The following RNF144A variants were observed in gnomAD, a reference collection of about 807,000 sequenced individuals.
RNF144A encodes ring finger protein 144A.
RNF144A carries 11 observed loss-of-function variants against 38.7 expected under a neutral mutation model. The observed-to-expected ratio is 0.28, with a 90% CI of 0.18 to 0.47. The LOEUF (loss-of-function observed/expected upper bound fraction) is 0.47, where lower values mean the gene tolerates loss of function less well. RNF144A is among the 20% of genes least tolerant of loss of function. The pLI, the probability that RNF144A is intolerant of heterozygous loss-of-function variation, is 0.99. For synonymous variants in RNF144A, 149 were observed against 143.9 expected, an observed-to-expected ratio of 1.04 and a Z score of -0.25; for missense variants, 316 against 377.2, an observed-to-expected ratio of 0.84 and a Z score of 1.34.
chr2:7,048,615 C>T (rs1206250758), downstream of RNF144A, among the ~76,000 whole-genome samples: 1 of 152,184 alleles, frequency 6.6e-6, no homozygotes, highest in Non-Finnish European at 1.5e-5. Flanking sequence ...AGGGAGACTG[C>T]AGTAGGGGCC....
At chr2:7,000,249 T>A (rs1032516488) in intron 3 of RNF144A, among the ~76,000 whole-genome samples, 2 of 152,222 alleles carry the variant, frequency 1.3e-5, no homozygotes, top group African/African-American at 4.8e-5. Context: ...GTGTGAAGTC[T>A]AACTTTAGAA....
chr2:6,987,208 T>G (rs1669017991), intron 2 of RNF144A, among the ~76,000 whole-genome samples: 1 of 152,144 alleles, frequency 6.6e-6, no homozygotes, highest in South Asian at 2.1e-4. Context: ...TTTCCTGCCA[T>G]GAATAGCAAT....
In RNF144A at chr2:6,990,572, A is replaced by ACACACACAC. The variant is rs377124161; in HGVS notation, c.-11-6344_-11-6343insCACACACAC. 2.8e-3 allele frequency among the ~76,000 whole-genome samples: 237 copies of ACACACACAC among 83,966 alleles called. 3 individuals carry two copies. The highest frequency in any genetic ancestry group is 6.8e-3 in the African/African-American group (135 of 19,814). The allele number at this position is 83,966 out of a possible 152,430, so 55.1% of individuals were successfully genotyped here. A position where few individuals can be genotyped will look rare whatever the true frequency, so the allele number is the denominator to read the frequency against. On this transcript the variant is annotated intron_variant, in intron 2 of 8. Transcript: ENST00000320892. ...AGAGAGAGAGATTGCTACACACACA[A>ACACACACAC]ACACACACACACACACACACACACA...
At chr2:6,938,742 C>T (rs1171095580) in intron 1 of RNF144A, among the ~76,000 whole-genome samples, 2 of 152,206 alleles carry the variant, frequency 1.3e-5, no homozygotes, top group East Asian at 1.9e-4. Context: ...CTTATTCTCT[C>T]ACTTTCCAAG....
Position 6,962,432 on chromosome 2 carries a change from A to G in RNF144A, c.-12+21285A>G, listed in dbSNP as rs1405583976. Among the ~76,000 whole-genome samples, 1 of 152,108 alleles carries G rather than the reference A, an allele frequency of 6.6e-6. No individual in the cohort carries two copies. The highest frequency in any genetic ancestry group is 1.5e-5 in the Non-Finnish European group (1 of 68,008). ...CTTCCTTATTTATGTTTGCAGCTCC[A>G]TTTCTCAGGCTGTTCTTTGTTACAA... is the stretch of plus-strand genomic sequence containing the variant. On this transcript the variant is annotated intron_variant, in intron 2 of 8. Transcript: ENST00000320892. The surrounding 1 kb of genome is among the most constrained non-coding windows in gnomAD (Gnocchi z 4.1).
chr2:6,983,409 A>C (rs1035573885), intron 2 of RNF144A, among the ~76,000 whole-genome samples: 3 of 152,178 alleles, frequency 2.0e-5, no homozygotes, highest in Non-Finnish European at 2.9e-5. Flanking sequence ...CTTGCCCTAC[A>C]GCCTTTTTAT....
rs779871954 is a variant in RNF144A, at chr2:6,943,090, T to C, written c.-12+1943T>C. Among the ~76,000 whole-genome samples, 43 of 152,170 alleles carry C rather than the reference T, an allele frequency of 2.8e-4. No homozygotes were observed. The highest frequency in any genetic ancestry group is 4.6e-4 in the Non-Finnish European group (31 of 68,012). On this transcript the variant is annotated intron_variant, in intron 2 of 8. Transcript: ENST00000320892. The surrounding 1 kb of genome is among the most constrained non-coding windows in gnomAD (Gnocchi z 4.3). ...AGTGGGTGGTCCTATCCAGATCTGA[T>C]CGTTTAAGAGGGCGGTATGTGCTGG... is the stretch of plus-strand genomic sequence containing the variant.
intron 2 of RNF144A, among the ~76,000 whole-genome samples, chr2:6,950,202 C>A (rs1398223898): frequency 6.6e-6 from 1 of 152,200 alleles, no homozygotes; most frequent in East Asian, 1.9e-4. Context: ...GCTGCCCTGG[C>A]ATCCCACCTT....
intron 2 of RNF144A, among the ~76,000 whole-genome samples, chr2:6,970,238 T>C (rs528878577): frequency 9.6e-4 from 146 of 152,296 alleles, no homozygotes; most frequent in African/African-American, 3.3e-3. Flanking sequence ...TGGAAGATGA[T>C]TGAATCATGG....
At chr2:6,939,049 G>T (rs1002172519) in intron 1 of RNF144A, among the ~76,000 whole-genome samples, 14 of 152,018 alleles carry the variant, frequency 9.2e-5, no homozygotes, top group Non-Finnish European at 1.8e-4. Flanking sequence ...GAACATTCCT[G>T]TATAGGTTTT....
At chr2:6,952,894 C>T (rs1390701338) in intron 2 of RNF144A, among the ~76,000 whole-genome samples, 3 of 152,028 alleles carry the variant, frequency 2.0e-5, no homozygotes, top group Non-Finnish European at 4.4e-5. Context: ...TTTTCTTCCT[C>T]AACCAACCTG....
chr2:7,059,726 A>G (rs1014450264), intron 6 of RNF144A, among the ~76,000 whole-genome samples: 1 of 152,346 alleles, frequency 6.6e-6, no homozygotes, highest in Non-Finnish European at 1.5e-5. Context: ...TAATGATGAC[A>G]GATGCTGAGC....
chr2:7,050,095 G>T (rs1187584719), intron 6 of RNF144A, among the ~76,000 whole-genome samples: 1 of 152,192 alleles, frequency 6.6e-6, no homozygotes, highest in Non-Finnish European at 1.5e-5. Context: ...ATGAATTCAC[G>T]AGTGAGTAGG....
At chr2:6,990,031 T>G (rs576305836) in intron 2 of RNF144A, among the ~76,000 whole-genome samples, 6 of 152,300 alleles carry the variant, frequency 3.9e-5, no homozygotes, top group African/African-American at 1.4e-4. Flanking sequence ...CATGAATGAA[T>G]ATACATTGAT....
chr2:6,985,759 G>C (rs952953462), intron 2 of RNF144A, among the ~76,000 whole-genome samples: 1 of 152,144 alleles, frequency 6.6e-6, no homozygotes, highest in Admixed American at 6.5e-5. Flanking sequence ...TGCAAGCTCC[G>C]CCTCCTGGGT....
At chr2:6,936,807 C>G (rs940254604) in intron 1 of RNF144A, among the ~76,000 whole-genome samples, 1 of 151,102 alleles carries the variant, frequency 6.6e-6, no homozygotes, top group Admixed American at 6.6e-5. Flanking sequence ...CTCATCCTAT[C>G]CTTCAGTATA....
intron 2 of RNF144A, among the ~76,000 whole-genome samples, chr2:6,988,814 G>A (rs1190270176): frequency 6.6e-6 from 1 of 152,214 alleles, no homozygotes; most frequent in African/African-American, 2.4e-5. Context: ...TGAAAATTAT[G>A]TGGAATTTTT....
intron 2 of RNF144A, among the ~76,000 whole-genome samples, chr2:6,954,363 A>G (rs1666870811): frequency 6.6e-6 from 1 of 152,180 alleles, no homozygotes; most frequent in Non-Finnish European, 1.5e-5. Flanking sequence ...CAGAAAGTAA[A>G]AAAAAAGAAA....
intron 3 of RNF144A, among the ~76,000 whole-genome samples, chr2:7,004,117 C>A (rs1357419130): frequency 1.3e-5 from 2 of 152,230 alleles, no homozygotes; most frequent in African/African-American, 2.4e-5. Context: ...CACTTGCTGT[C>A]CCACTGCCAC....
Sources: gnomAD v4.1 joint callset for allele counts (sites outside exome capture counted in the v4.1 genomes callset) on GRCh38, gnomAD v4.1.1 for gene constraint, Gnocchi (gnomAD v3.1) non-coding constraint, MANE v1.5 for transcripts, NCBI Gene and HGNC (gene_info 2026-07-23, HGNC 2026-07-21) for gene names.